DGLUCY: variants seen among roughly 807,000 people sequenced by gnomAD.
DGLUCY encodes D-glutamate cyclase, mitochondrial.
DGLUCY carries 58 observed loss-of-function variants against 58.5 expected under a neutral mutation model. The observed-to-expected ratio is 0.99, with a 90% CI of 0.80 to 1.23. The LOEUF is 1.23. Among genes scored for constraint, DGLUCY ranks in the 50% most tolerant of loss-of-function variants. The probability of loss-of-function intolerance (pLI) is 0.00; values close to 1 mark genes in which losing one functional copy is unlikely to be tolerated. For synonymous variants in DGLUCY, 325 were observed against 314.1 expected (o/e 1.03, Z -0.37); for missense variants, 779 against 784.7 (o/e 0.99, Z 0.09).
At chr14:91,133,039 A>G (rs2046116819) in intron 1 of DGLUCY, among the ~76,000 whole-genome samples, 1 of 151,704 alleles carries the variant, frequency 6.6e-6, no homozygotes, top group Non-Finnish European at 1.5e-5. Flanking sequence ...CACGCCTGTA[A>G]TCCCAGCACT....
chr14:91,178,003 T>C (rs978593858), intron 7 of DGLUCY, among the ~76,000 whole-genome samples: 3 of 152,236 alleles, frequency 2.0e-5, no homozygotes, highest in African/African-American at 7.2e-5. Context: ...GCCTCACCGC[T>C]TTCCCACCAT....
Position 91,176,002 on chromosome 14 carries a change from G to T in DGLUCY, c.676G>T (p.Val226Phe), listed in dbSNP as rs114448340. 80 of 1,614,108 alleles carry T rather than the reference G, an allele frequency of 5.0e-5. No homozygotes were observed. In the African/African-American group the frequency reaches 6.3e-4, roughly 13 times the overall value. Reference sequence around the variant, plus strand: ...TGCCATGGTGTGTCCCCCAGGGGAGGTTCCAGTGTTCTGGCCTTCTCCGCT... The same window carrying T: ...TGCCATGGTGTGTCCCCCAGGGGAGTTTCCAGTGTTCTGGCCTTCTCCGCT... Reference protein sequence around the residue: ...GDAMVCPPGEVPVFWPSPLTS... With the variant: ...GDAMVCPPGEFPVFWPSPLTS... The change falls in exon 7 of 14, where the codon GTT (valine) becomes TTT (phenylalanine). Residue 226 changes from valine (V) to phenylalanine (F), a missense_variant. Coordinates refer to ENST00000256324, the MANE Select transcript of DGLUCY (RefSeq NM_001102368.3).
chr14:91,206,472 T>C (rs1003281045), intron 12 of DGLUCY, among the ~76,000 whole-genome samples: 1 of 152,048 alleles, frequency 6.6e-6, no homozygotes, highest in African/African-American at 2.4e-5. Context: ...AACTTCTGCC[T>C]CCCGGGTTCA....
chr14:91,154,618 G>T (rs933276147), intron 1 of DGLUCY, among the ~76,000 whole-genome samples: 10 of 152,106 alleles, frequency 6.6e-5, no homozygotes, highest in African/African-American at 2.4e-4. Flanking sequence ...TTTTCCCTTT[G>T]GCTTAGTGAT....
At chr14:91,217,574 C>G (rs1234466849) in intron 13 of DGLUCY, among the ~76,000 whole-genome samples, 1 of 151,778 alleles carries the variant, frequency 6.6e-6, no homozygotes, top group African/African-American at 2.4e-5. Flanking sequence ...AACCTCCACC[C>G]CCCAAGTTCA....
At chr14:91,178,109 T>C (rs907662393) in intron 7 of DGLUCY, among the ~76,000 whole-genome samples, 2 of 152,218 alleles carry the variant, frequency 1.3e-5, no homozygotes, top group African/African-American at 4.8e-5. Flanking sequence ...GATAGCACAA[T>C]TGATCGTAGA....
chr14:91,210,508 G>A (rs1014747259), intron 12 of DGLUCY, among the ~76,000 whole-genome samples: 1 of 152,022 alleles, frequency 6.6e-6, no homozygotes, highest in Non-Finnish European at 1.5e-5. Context: ...TCCAGCCTTG[G>A]CAACAGAGTG....
intron 1 of DGLUCY, among the ~76,000 whole-genome samples, chr14:91,061,158 C>T (rs2043666673): frequency 6.6e-6 from 1 of 152,122 alleles, no homozygotes; most frequent in African/African-American, 2.4e-5. Flanking sequence ...GCAGACAAAC[C>T]TAAGGGTCCC....
chr14:91,191,793 G>A (rs1008499233), intron 9 of DGLUCY, among the ~76,000 whole-genome samples: 2 of 152,160 alleles, frequency 1.3e-5, no homozygotes, highest in Non-Finnish European at 2.9e-5. Context: ...AGAAGGATCA[G>A]GGCTTGCTCT....
chr14:91,146,434 G>A (rs774921933), intron 1 of DGLUCY, among the ~76,000 whole-genome samples: 3 of 152,160 alleles, frequency 2.0e-5, no homozygotes, highest in Non-Finnish European at 4.4e-5. Context: ...ATAAGCGCAG[G>A]TCCTTCCTCG....
intron 12 of DGLUCY, among the ~76,000 whole-genome samples, chr14:91,210,759 T>C (rs1021772249): frequency 1.3e-5 from 2 of 152,106 alleles, no homozygotes; most frequent in African/African-American, 4.8e-5. Context: ...ACAGCTAACA[T>C]CGTAATTAAT....
chr14:91,087,486 T>C (rs2044242356), intron 1 of DGLUCY, among the ~76,000 whole-genome samples: 1 of 152,258 alleles, frequency 6.6e-6, no homozygotes, highest in Admixed American at 6.5e-5. Context: ...ATGTACTTTA[T>C]GTTCTTAGCT....
chr14:91,067,323 G>C (rs1436931095), intron 1 of DGLUCY, among the ~76,000 whole-genome samples: 2 of 152,096 alleles, frequency 1.3e-5, no homozygotes, highest in Non-Finnish European at 2.9e-5. Flanking sequence ...GTAAGCAAGG[G>C]GGGAGAGGGC....
chr14:91,068,104 CA>C (rs1566928241), intron 1 of DGLUCY, among the ~76,000 whole-genome samples: 7 of 152,114 alleles, frequency 4.6e-5, no homozygotes, highest in African/African-American at 1.7e-4. Flanking sequence ...CACACACACA[CA>C]CACACACACA....
chr14:91,163,802 T>G (rs536834521), intron 3 of DGLUCY, among the ~76,000 whole-genome samples: 1 of 152,206 alleles, frequency 6.6e-6, no homozygotes, highest in South Asian at 2.1e-4. Flanking sequence ...TAATTACTTG[T>G]GCAAATGACT....
chr14:91,223,147 A>G (rs1690099935), intron 13 of DGLUCY, among the ~76,000 whole-genome samples: 1 of 152,158 alleles, frequency 6.6e-6, no homozygotes, highest in African/African-American at 2.4e-5. Context: ...TGTTCCCTGA[A>G]CCATGCCAAT....
chr14:91,196,579 G>C, intron 10 of DGLUCY, 105 bp downstream of exon 10: 1 of 903,974 alleles, frequency 1.1e-6, no homozygotes, highest in Admixed American at 2.1e-5. Context: ...CAGAGGGAGC[G>C]AAGCCATGAG....
chr14:91,184,126 G>T (rs908832776), intron 8 of DGLUCY, among the ~76,000 whole-genome samples: 12 of 152,130 alleles, frequency 7.9e-5, no homozygotes, highest in African/African-American at 2.9e-4. Context: ...CTGCAAAGCA[G>T]CAGTCAGCAA....
intron 1 of DGLUCY, among the ~76,000 whole-genome samples, chr14:91,078,114 C>T (rs181074398): frequency 1.7e-4 from 26 of 152,204 alleles, no homozygotes; most frequent in African/African-American, 5.8e-4. Flanking sequence ...CTGCAACCTC[C>T]GCCTCCAGGG....
Sources: gnomAD v4.1 joint callset for allele counts (sites outside exome capture counted in the v4.1 genomes callset) on GRCh38, gnomAD v4.1.1 for gene constraint, MANE v1.5 for transcripts, NCBI Gene and HGNC (gene_info 2026-07-23, HGNC 2026-07-21) for gene names.